The following FRMD4A variants were observed in gnomAD, a reference collection of about 807,000 sequenced individuals.
FRMD4A encodes FERM domain containing 4A.
FRMD4A carries 29 observed loss-of-function variants against 129.1 expected under a neutral mutation model. The observed-to-expected ratio is 0.22, with a 90% confidence interval of 0.17 to 0.31. The LOEUF (loss-of-function observed/expected upper bound fraction) is 0.31, where lower values mean the gene tolerates loss of function less well. FRMD4A is among the 10% of genes least tolerant of loss of function. FRMD4A has a pLI of 1.00. For missense variants in FRMD4A, 1,272 were observed against 1,375.8 expected (o/e 0.92, Z 1.19); for synonymous variants, 634 against 571.6 (o/e 1.11, Z -1.56).
At chr10:14,207,472 G>A (rs922131798) in intron 2 of FRMD4A, among the ~76,000 whole-genome samples, 1 of 152,116 alleles carries the variant, frequency 6.6e-6, no homozygotes, top group Non-Finnish European at 1.5e-5. Flanking sequence ...AGGGGCTGGG[G>A]ACCCCCTGGT....
At chr10:14,317,474 T>G (rs1589304102) in intron 2 of FRMD4A, among the ~76,000 whole-genome samples, 1 of 152,338 alleles carries the variant, frequency 6.6e-6, no homozygotes, top group South Asian at 2.1e-4. Flanking sequence ...TTTTGACTAT[T>G]TCTCTGCCAT....
At chr10:13,843,971 G>A (rs554693220) in intron 3 of FRMD4A, among the ~76,000 whole-genome samples, 4 of 152,302 alleles carry the variant, frequency 2.6e-5, no homozygotes, top group African/African-American at 9.6e-5. Flanking sequence ...TGTGTGGAAA[G>A]ATTATAATTT....
intron 2 of FRMD4A, among the ~76,000 whole-genome samples, chr10:14,095,492 A>G (rs1189851819): frequency 2.0e-5 from 3 of 152,218 alleles, no homozygotes; most frequent in Non-Finnish European, 4.4e-5. Flanking sequence ...TGGGGACATA[A>G]GCTATTAATA....
chr10:14,032,076 G>C (rs911354638), intron 2 of FRMD4A, among the ~76,000 whole-genome samples: 51 of 152,078 alleles, frequency 3.4e-4, no homozygotes, highest in African/African-American at 1.2e-3. Context: ...TTGAGTAGCT[G>C]GGACTTCACG....
chr10:13,999,934 C>T (rs190081524), intron 2 of FRMD4A, among the ~76,000 whole-genome samples: 66 of 152,298 alleles, frequency 4.3e-4, no homozygotes, highest in African/African-American at 1.5e-3. Context: ...AGTTTATAAC[C>T]ACAAAGGTAT....
chr10:13,808,313 A>G (rs1422766884), intron 4 of FRMD4A, among the ~76,000 whole-genome samples: 1 of 152,256 alleles, frequency 6.6e-6, no homozygotes, highest in Non-Finnish European at 1.5e-5. Context: ...TAGCACCTGT[A>G]TAAAGCACAG....
intron 2 of FRMD4A, among the ~76,000 whole-genome samples, chr10:14,064,870 G>C (rs547902033): frequency 3.7e-4 from 56 of 152,114 alleles, no homozygotes; most frequent in Non-Finnish European, 6.8e-4. Context: ...GAGCCACCGC[G>C]CCCAGCCCTC....
intron 9 of FRMD4A, among the ~76,000 whole-genome samples, chr10:13,742,486 G>C (rs2135058352): frequency 6.6e-6 from 1 of 152,176 alleles, no homozygotes; most frequent in East Asian, 1.9e-4. Flanking sequence ...TGATTCTAGG[G>C]GTGTACCCTC....
At chr10:14,147,082 T>C (rs1278120704) in intron 2 of FRMD4A, among the ~76,000 whole-genome samples, 2 of 152,230 alleles carry the variant, frequency 1.3e-5, no homozygotes, top group South Asian at 2.1e-4. Flanking sequence ...GGTAGGTTCA[T>C]TGAAAGATGG....
intron 4 of FRMD4A, among the ~76,000 whole-genome samples, chr10:13,799,753 T>C (rs1054596397): frequency 2.0e-5 from 3 of 152,154 alleles, no homozygotes; most frequent in African/African-American, 7.2e-5. Context: ...CAAGGCTGAG[T>C]TCAAGTCTTA....
chr10:14,317,894 G>T (rs528713695), intron 2 of FRMD4A, among the ~76,000 whole-genome samples: 1 of 152,218 alleles, frequency 6.6e-6, no homozygotes, highest in South Asian at 2.1e-4. Flanking sequence ...CAGAGTCTGA[G>T]TTTTAATGCA....
intron 2 of FRMD4A, among the ~76,000 whole-genome samples, chr10:14,197,070 G>T (rs1282616345): frequency 6.6e-6 from 1 of 152,128 alleles, no homozygotes. Flanking sequence ...ACATCCCGAT[G>T]GATATTTAAG....
intron 12 of FRMD4A, among the ~76,000 whole-genome samples, chr10:13,714,365 G>A (rs939099996): frequency 2.0e-5 from 3 of 150,692 alleles, no homozygotes; most frequent in Admixed American, 6.6e-5. Flanking sequence ...CCTGGCCCAG[G>A]TATATGTTTT....
At chr10:13,671,025 G>A (rs2083467137) in intron 16 of FRMD4A, among the ~76,000 whole-genome samples, 1 of 152,098 alleles carries the variant, frequency 6.6e-6, no homozygotes, top group Non-Finnish European at 1.5e-5. Flanking sequence ...CAAGAGGAGT[G>A]GTATCTATAT....
intron 2 of FRMD4A, among the ~76,000 whole-genome samples, chr10:13,952,667 C>G (rs990435959): frequency 4.6e-5 from 7 of 152,042 alleles, no homozygotes; most frequent in Non-Finnish European, 8.8e-5. Flanking sequence ...GAGGTAGTTG[C>G]AAATTATGTA....
chr10:14,206,809 C>CAAAAA (rs57029013), intron 2 of FRMD4A, among the ~76,000 whole-genome samples: 8 of 43,062 alleles, frequency 1.9e-4, no homozygotes, highest in South Asian at 1.5e-3. Context: ...GACGCTATCT[C>CAAAAA]AAAAAAAAAA....
rs111715964 is a variant in FRMD4A at position 13,689,218 on chromosome 10, G to C, written c.1117+4680C>G. On this transcript the variant is annotated intron_variant, in intron 15 of 24. Coordinates refer to ENST00000357447, the MANE Select transcript of FRMD4A (RefSeq NM_018027.5). The stretch of plus-strand genomic sequence containing the variant: ...CTTTGCGGGGGGGGGGGGGGGGGGG[G>C]GGAGGGCTATAACTTTGTAAAATGC... Among the ~76,000 whole-genome samples, 50 of 95,794 alleles carry C rather than the reference G, an allele frequency of 5.2e-4. 1 individual carries two copies. Among genetic ancestry groups the C allele is most frequent in the African/African-American group, 1.8e-3 (48 of 26,502 alleles). 62.8% of individuals were successfully genotyped at this position (95,794 alleles called of 152,430 possible).
At chr10:14,180,033 C>A (rs373490392) in intron 2 of FRMD4A, among the ~76,000 whole-genome samples, 2 of 151,602 alleles carry the variant, frequency 1.3e-5, no homozygotes, top group African/African-American at 4.8e-5. Flanking sequence ...AAGAATCCAT[C>A]AAAAAAACAA....
intron 2 of FRMD4A, among the ~76,000 whole-genome samples, chr10:14,117,695 A>G (rs1212706230): frequency 6.6e-6 from 1 of 152,222 alleles, no homozygotes; most frequent in African/African-American, 2.4e-5. Context: ...GAATGGAAGT[A>G]GAGTTTGAAG....
Sources: gnomAD v4.1 joint callset for allele counts (sites outside exome capture counted in the v4.1 genomes callset) on GRCh38, gnomAD v4.1.1 for gene constraint, MANE v1.5 for transcripts, NCBI Gene and HGNC (gene_info 2026-07-23, HGNC 2026-07-21) for gene names.